Variants in ROBO2 observed in about 807,000 individuals in gnomAD.
ROBO2 encodes the protein roundabout homolog 2.
In ROBO2, 53 loss-of-function variants were observed where a neutral mutation model predicts 160.8. The ratio of observed to expected loss-of-function variants is 0.33; its 90% CI spans 0.26 to 0.41. ROBO2 has a LOEUF of 0.41. Among genes scored for constraint, ROBO2 ranks in the 10% least tolerant of loss-of-function variants. The pLI is 1.00. For missense variants in ROBO2, 1,577 were observed against 1,722.4 expected, an observed-to-expected ratio of 0.92 and a Z score of 1.49; for synonymous variants, 664 against 611.7, an observed-to-expected ratio of 1.09 and a Z score of -1.26.
intron 2 of ROBO2, among the ~76,000 whole-genome samples, chr3:76,877,295 C>T (rs553279277): frequency 2.1e-4 from 32 of 152,206 alleles, no homozygotes; most frequent in Non-Finnish European, 4.1e-4. Context: ...CTTAATCGTA[C>T]GCAAACAGTA....
chr3:76,452,687 C>T (rs1353637617), intron 2 of ROBO2, among the ~76,000 whole-genome samples: 2 of 152,212 alleles, frequency 1.3e-5, no homozygotes, highest in South Asian at 2.1e-4. Context: ...TGGGTATATA[C>T]TCAGTAATGG....
At chr3:76,455,707 C>T (rs1449817695) in intron 2 of ROBO2, among the ~76,000 whole-genome samples, 1 of 152,078 alleles carries the variant, frequency 6.6e-6, no homozygotes, top group African/African-American at 2.4e-5. Context: ...TTTTCATGCA[C>T]ATTCCTTTCA....
chr3:76,787,187 TG>T lies in ROBO2; in HGVS notation c.110-310824del, dbSNP rs368882741. ...GGGAATTACAATTCAACATGAGATT[TG>T]GGTGGGGACACAGAGCCAAACCATA... On this transcript the variant is annotated intron_variant, in intron 2 of 26. Coordinates refer to the ROBO2 transcript ENST00000487694. Among the ~76,000 whole-genome samples, 201 of 151,374 alleles carry T rather than the reference TG, an allele frequency of 1.3e-3. 3 individuals are homozygous for T. The highest frequency in any genetic ancestry group is 4.7e-3 in the African/African-American group (193 of 41,392).
chr3:76,855,771 C>A (rs988025067), intron 2 of ROBO2, among the ~76,000 whole-genome samples: 3 of 152,092 alleles, frequency 2.0e-5, no homozygotes, highest in Non-Finnish European at 4.4e-5. Context: ...ATTCATAATG[C>A]ATTCTAATGG....
At chr3:77,438,784 G>A (rs1160482422) in intron 2 of ROBO2, among the ~76,000 whole-genome samples, 1 of 151,956 alleles carries the variant, frequency 6.6e-6, no homozygotes, top group Non-Finnish European at 1.5e-5. Flanking sequence ...CCAGATCCCT[G>A]TGCTAAACTG....
intron 2 of ROBO2, among the ~76,000 whole-genome samples, chr3:76,951,726 C>T (rs2149180059): frequency 6.6e-6 from 1 of 152,046 alleles, no homozygotes; most frequent in African/African-American, 2.4e-5. Flanking sequence ...GACAGGTATC[C>T]TCTTAAAAAA....
rs563149970 is a variant in ROBO2 at position 75,957,021 on chromosome 3, T to G, written c.109+19419T>G. Among the ~76,000 whole-genome samples, 153 of 151,920 alleles carry G rather than the reference T, an allele frequency of 1.0e-3. 1 individual carries two copies. The South Asian group carries it at 0.028, about 28-fold the overall frequency. On this transcript the variant is annotated intron_variant, in intron 2 of 26. Transcript: ENST00000487694. ...ATTAGATACTTTAGAGTTTATTTAA[T>G]TATAATATGAAGCTTTGAGTTTCTG...
At chr3:76,967,407 A>G (rs189728170) in intron 2 of ROBO2, among the ~76,000 whole-genome samples, 1 of 149,336 alleles carries the variant, frequency 6.7e-6, no homozygotes, top group Non-Finnish European at 1.5e-5. Flanking sequence ...AGTTTCCGCC[A>G]TGTTGCCCAG....
intron 2 of ROBO2, among the ~76,000 whole-genome samples, chr3:76,722,171 C>T (rs2093475901): frequency 6.6e-6 from 1 of 152,098 alleles, no homozygotes; most frequent in Admixed American, 6.5e-5. Context: ...ATTGGGTTGA[C>T]CACAGGTTTA....
At chr3:77,373,752 C>T (rs2072168695) in intron 2 of ROBO2, among the ~76,000 whole-genome samples, 2 of 151,346 alleles carry the variant, frequency 1.3e-5, no homozygotes, top group South Asian at 4.2e-4. Flanking sequence ...ATGGGTTTAT[C>T]CAAAGGAAGG....
At chr3:76,398,807 G>T (rs1361298764) in intron 2 of ROBO2, among the ~76,000 whole-genome samples, 1 of 151,630 alleles carries the variant, frequency 6.6e-6, no homozygotes, top group Non-Finnish European at 1.5e-5. Flanking sequence ...TATTCTATTA[G>T]TTTAGCATAT....
intron 2 of ROBO2, among the ~76,000 whole-genome samples, chr3:76,150,550 C>T (rs184547307): frequency 6.6e-5 from 10 of 152,278 alleles, no homozygotes; most frequent in Admixed American, 3.3e-4. Flanking sequence ...ATCTTGAACA[C>T]GTTTAGCCCA....
chr3:76,149,560 ACAT>A lies in ROBO2; in HGVS notation c.109+211963_109+211965del, dbSNP rs756497904. On this transcript the variant is annotated intron_variant, in intron 2 of 26. Coordinates refer to the ROBO2 transcript ENST00000487694. Reference sequence around the variant, plus strand: ...TAAAGCACACATCTGTCTAAAGCACACATCATCTGTCTAAAGCACACATCATCT... The same window carrying A: ...TAAAGCACACATCTGTCTAAAGCACACATCTGTCTAAAGCACACATCATCT... 2.2e-3 allele frequency among the ~76,000 whole-genome samples: 174 copies of A among 78,052 alleles called. 32 individuals are homozygous for A. Among genetic ancestry groups the A allele is most frequent in the Middle Eastern group, 6.8e-3 (1 of 146 alleles). 51.2% of individuals were successfully genotyped at this position (78,052 alleles called of 152,430 possible). A position where few individuals can be genotyped will look rare whatever the true frequency, so the allele number is the denominator to read the frequency against.
intron 2 of ROBO2, among the ~76,000 whole-genome samples, chr3:77,136,696 G>A (rs2076304178): frequency 6.6e-6 from 1 of 151,020 alleles, no homozygotes. Context: ...GAGTGCAGTG[G>A]CATGGTCTTG....
At chr3:76,464,565 G>C (rs1302083570) in intron 2 of ROBO2, among the ~76,000 whole-genome samples, 1 of 151,298 alleles carries the variant, frequency 6.6e-6, no homozygotes, top group Non-Finnish European at 1.5e-5. Context: ...GCTCAATGGT[G>C]TATTAGACTA....
intron 1 of ROBO2, among the ~76,000 whole-genome samples, chr3:77,085,072 T>C (rs187546291): frequency 6.6e-6 from 1 of 152,190 alleles, no homozygotes; most frequent in East Asian, 1.9e-4. Context: ...GAAGAGAAAG[T>C]AGATCCCCAA....
chr3:76,333,602 A>G (rs1271134789), intron 2 of ROBO2, among the ~76,000 whole-genome samples: 1 of 152,184 alleles, frequency 6.6e-6, no homozygotes, highest in Non-Finnish European at 1.5e-5. Flanking sequence ...AAAGCATTCA[A>G]CCAGAATGGC....
intron 2 of ROBO2, among the ~76,000 whole-genome samples, chr3:76,935,562 A>T (rs578212590): frequency 6.6e-6 from 1 of 152,186 alleles, no homozygotes; most frequent in East Asian, 1.9e-4. Flanking sequence ...AGAATACAAT[A>T]GACTGGGTAG....
chr3:77,647,475 CT>C (rs34054058), exon 26 of ROBO2: 2 of 151,976 alleles, frequency 1.3e-5, no homozygotes, highest in Non-Finnish European at 2.9e-5. Flanking sequence ...TGTTTATAAA[CT>C]TTTTAAATAA....
Sources: gnomAD v4.1 joint callset for allele counts (sites outside exome capture counted in the v4.1 genomes callset) on GRCh38, gnomAD v4.1.1 for gene constraint, MANE v1.5 for transcripts, NCBI Gene and HGNC (gene_info 2026-07-23, HGNC 2026-07-21) for gene names.